Variants in XRCC4 observed in about 807,000 individuals in gnomAD.
XRCC4 encodes X-ray repair cross complementing 4.
A neutral mutation model predicts 39.1 loss-of-function variants in XRCC4; 28 were observed. The observed-to-expected ratio is 0.72, with a 90% confidence interval of 0.53 to 0.98. XRCC4 has a LOEUF of 0.98. Among genes scored for constraint, XRCC4 ranks in the 50% least tolerant of loss-of-function variants. The pLI is 0.00. For synonymous variants in XRCC4, 123 were observed against 126.4 expected, an observed-to-expected ratio of 0.97 and a Z score of 0.18; for missense variants, 350 against 376.4, an observed-to-expected ratio of 0.93 and a Z score of 0.58.
chr5:83,344,532 A>C (rs182424664), intron 7 of XRCC4, among the ~76,000 whole-genome samples: 1 of 150,688 alleles, frequency 6.6e-6, no homozygotes, highest in Non-Finnish European at 1.5e-5. Flanking sequence ...AGCCTCCCAA[A>C]GTGTTAGGAT....
chr5:83,112,778 A>ATG (rs370518639), intron 3 of XRCC4, among the ~76,000 whole-genome samples: 1 of 53,242 alleles, frequency 1.9e-5, no homozygotes. Flanking sequence ...ATTAGATCTC[A>ATG]TGAGACTTAT....
intron 7 of XRCC4, among the ~76,000 whole-genome samples, chr5:83,263,065 A>G (rs1197869110): frequency 2.2e-5 from 3 of 134,972 alleles, no homozygotes; most frequent in Non-Finnish European, 3.1e-5. Context: ...TCATTGTTCA[A>G]CTCCCACCTA....
intron 6 of XRCC4, among the ~76,000 whole-genome samples, chr5:83,218,461 G>T (rs1307973694): frequency 1.3e-5 from 2 of 151,944 alleles, no homozygotes; most frequent in African/African-American, 2.4e-5. Flanking sequence ...GACAGTGTTT[G>T]TATGTCTGTT....
chr5:83,333,633 A>AG, intron 7 of XRCC4, among the ~76,000 whole-genome samples: 1 of 152,254 alleles, frequency 6.6e-6, no homozygotes, highest in Non-Finnish European at 1.5e-5. Context: ...TCTCATGCAT[A>AG]GTATCAAAAC....
chr5:83,307,657 G>A (rs1268891357), intron 7 of XRCC4, among the ~76,000 whole-genome samples: 4 of 152,204 alleles, frequency 2.6e-5, no homozygotes, highest in Non-Finnish European at 4.4e-5. Context: ...ATCCCTGACA[G>A]AGAATGACAA....
intron 6 of XRCC4, among the ~76,000 whole-genome samples, chr5:83,217,374 A>AAG (rs1751906491): frequency 6.6e-6 from 1 of 151,600 alleles, no homozygotes; most frequent in South Asian, 2.1e-4. Context: ...AAAAAAAAAA[A>AAG]AAACCATTGC....
chr5:83,169,823 C>T (rs1749642665), intron 3 of XRCC4, among the ~76,000 whole-genome samples: 1 of 152,110 alleles, frequency 6.6e-6, no homozygotes, highest in African/African-American at 2.4e-5. Context: ...GTGTTTATTA[C>T]TGTGGAAACC....
chr5:83,212,784 G>A (rs981986205), intron 6 of XRCC4, among the ~76,000 whole-genome samples: 1 of 151,760 alleles, frequency 6.6e-6, no homozygotes, highest in Non-Finnish European at 1.5e-5. Flanking sequence ...AAAATTAGCT[G>A]GGCATGGTGG....
rs6885512 is a variant in XRCC4 at position 83,078,401 on chromosome 5, T to A, written c.-11+786T>A. ...CAAGCTTTTGGTTCTAAATGTGTGG[T>A]GTATTTTTTCTCAGGCAGGAGAGAG... On this transcript the variant is annotated intron_variant, in intron 1 of 7. Transcript: ENST00000396027. Among the ~76,000 whole-genome samples the A allele has an allele frequency of 4.7e-3, 712 of 152,386 alleles. 2 individuals carry two copies. Among genetic ancestry groups the A allele is most frequent in the African/African-American group, 0.016 (670 of 41,602 alleles).
At chr5:83,126,190 A>G (rs888352387) in intron 3 of XRCC4, among the ~76,000 whole-genome samples, 2 of 151,708 alleles carry the variant, frequency 1.3e-5, no homozygotes, top group Non-Finnish European at 2.9e-5. Context: ...ATCTTGCATC[A>G]GAATTTTGTA....
At chr5:83,258,286 C>G (rs1753623200) in intron 6 of XRCC4, among the ~76,000 whole-genome samples, 1 of 152,094 alleles carries the variant, frequency 6.6e-6, no homozygotes, top group Non-Finnish European at 1.5e-5. Context: ...CACGTTCACC[C>G]AGCATCAAAG....
At chr5:83,162,373 T>C (rs1749257303) in intron 3 of XRCC4, among the ~76,000 whole-genome samples, 1 of 152,154 alleles carries the variant, frequency 6.6e-6, no homozygotes, top group Non-Finnish European at 1.5e-5. Flanking sequence ...TTCAGTGAGT[T>C]ATTCATTAGT....
chr5:83,103,821 A>G (rs546700806), intron 1 of XRCC4, among the ~76,000 whole-genome samples: 51 of 152,354 alleles, frequency 3.3e-4, no homozygotes, highest in African/African-American at 1.1e-3. Context: ...CTGTATGATT[A>G]TATTTACATA....
chr5:83,294,986 A>C (rs558023529), intron 7 of XRCC4, among the ~76,000 whole-genome samples: 1 of 152,188 alleles, frequency 6.6e-6, no homozygotes, highest in East Asian at 1.9e-4. Context: ...GGAGTTCTGG[A>C]GCATCATATC....
intron 7 of XRCC4, among the ~76,000 whole-genome samples, chr5:83,279,765 A>G (rs1354549373): frequency 5.3e-5 from 8 of 152,236 alleles, no homozygotes; most frequent in Non-Finnish European, 1.2e-4. Context: ...AAGTGAATCT[A>G]TATTCTATGT....
intron 6 of XRCC4, among the ~76,000 whole-genome samples, chr5:83,216,497 A>G (rs762814284): frequency 3.9e-5 from 6 of 152,352 alleles, no homozygotes; most frequent in Non-Finnish European, 8.8e-5. Flanking sequence ...ATACGTCCTC[A>G]TAAAGACATA....
intron 7 of XRCC4, among the ~76,000 whole-genome samples, chr5:83,277,454 C>T (rs991658471): frequency 4.6e-5 from 7 of 152,170 alleles, no homozygotes; most frequent in African/African-American, 1.4e-4. Flanking sequence ...TCAGGCCACC[C>T]GTGATGGACA....
chr5:83,246,890 C>T (rs1295322307), intron 6 of XRCC4, among the ~76,000 whole-genome samples: 2 of 152,066 alleles, frequency 1.3e-5, no homozygotes, highest in Non-Finnish European at 2.9e-5. Flanking sequence ...TCTGATGTCC[C>T]CACTTCCAGT....
chr5:83,363,634 A>T, the XRCC4 span, among the ~76,000 whole-genome samples: 1 of 152,186 alleles, frequency 6.6e-6, no homozygotes, highest in Non-Finnish European at 1.5e-5. Context: ...AAGTTGAGAG[A>T]CTACTGGCAG....
Sources: gnomAD v4.1 joint callset for allele counts (sites outside exome capture counted in the v4.1 genomes callset) on GRCh38, gnomAD v4.1.1 for gene constraint, MANE v1.5 for transcripts, NCBI Gene and HGNC (gene_info 2026-07-23, HGNC 2026-07-21) for gene names.